The following LIG3 variants were observed in gnomAD, a reference collection of about 807,000 sequenced individuals.
The protein encoded by LIG3 is DNA ligase 3.
A neutral mutation model predicts 110.9 loss-of-function variants in LIG3; 58 were observed. That is an observed-to-expected ratio of 0.52 (90% CI 0.42 to 0.65). LIG3 has a LOEUF of 0.65. LIG3 is among the 30% of genes least tolerant of loss of function. LIG3 has a pLI of 0.00. For missense variants in LIG3, 1,094 were observed against 1,273.8 expected (o/e 0.86, Z 2.15); for synonymous variants, 422 against 472.8 (o/e 0.89, Z 1.39).
chr17:35,003,334 T>G (rs946948736), intron 19 of LIG3: 8 of 461,490 alleles, frequency 1.7e-5, no homozygotes, highest in Non-Finnish European at 2.6e-5. Flanking sequence ...AGTCTCGCTC[T>G]GTTGCCTAGG....
intron 1 of LIG3, chr17:34,981,092 G>C (rs1194560280): frequency 6.6e-6 from 1 of 152,344 alleles, no homozygotes; most frequent in Non-Finnish European, 1.5e-5. Context: ...AGCCCTTCGA[G>C]AAAAGCGGCG....
At chr17:34,992,092 C>A in intron 7 of LIG3, 57 bp downstream of exon 7, 1 of 1,487,582 alleles carries the variant, frequency 6.7e-7, no homozygotes, top group Non-Finnish European at 9.4e-7. Context: ...TGTTTGTTCC[C>A]AACTGGTGTC....
intron 17 of LIG3, among the ~76,000 whole-genome samples, 191 bp downstream of exon 17, chr17:35,001,594 C>G (rs534141992): frequency 6.6e-6 from 1 of 152,284 alleles, no homozygotes; most frequent in East Asian, 1.9e-4. Context: ...CCTCCTTCTC[C>G]CTCCATCTCT....
intron 5 of LIG3, 40 bp downstream of exon 5, chr17:34,991,154 G>A (rs1416492195): frequency 1.2e-6 from 2 of 1,601,268 alleles, no homozygotes; most frequent in East Asian, 2.2e-5. Flanking sequence ...CATTCCAGGT[G>A]GGGTTTTGCC....
At position 34,999,341 on chromosome 17, in the gene LIG3, C is replaced by T. The variant is rs1356838541; in HGVS notation, c.2148C>T (p.Tyr716=). ...TGTCAATCTTCCTCATGGGCTGCTA[C>T]GACCCTGGCAGCCAGAAGTGGTGCA... ...GMMSIFLMGC[Y]DPGSQKWCTV... is the part of the protein sequence containing the mutation. Residue 716 remains tyrosine, a synonymous_variant, in exon 15 of 20, where the codon TAC becomes TAT. Coordinates refer to ENST00000378526, the MANE Select transcript of LIG3 (RefSeq NM_013975.4). The T allele has an allele frequency of 7.4e-6, 12 of 1,613,926 alleles. No individual in the cohort carries two copies. The highest frequency in any genetic ancestry group is 2.2e-5 in the East Asian group (1 of 44,888).
In LIG3 at chr17:35,005,091, G is replaced by A. The variant is rs2090884719; in HGVS notation, c.*585G>A. Reference sequence around the variant, plus strand: ...TCTCTGTGTTCTCCTATTACATGGTGAGGATCCCCAGTTTGAAGGGAGGGG... The same window carrying A: ...TCTCTGTGTTCTCCTATTACATGGTAAGGATCCCCAGTTTGAAGGGAGGGG... On this transcript the variant is annotated 3_prime_UTR_variant, in exon 20 of 20. Coordinates refer to ENST00000378526, the MANE Select transcript of LIG3 (RefSeq NM_013975.4). 1 of 337,164 alleles carries A rather than the reference G, an allele frequency of 3.0e-6. No individual in the cohort carries two copies. The highest frequency in any genetic ancestry group is 3.8e-5 in the Admixed American group (1 of 26,132). 20.9% of individuals were successfully genotyped at this position (337,164 alleles called of 1,614,324 possible). A position where few individuals can be genotyped will look rare whatever the true frequency, so the allele number is the denominator to read the frequency against.
chr17:34,982,960 T>C (rs2090615499), intron 1 of LIG3, 42 bp from the exon 2 acceptor site: 11 of 1,411,812 alleles, frequency 7.8e-6, no homozygotes, highest in Non-Finnish European at 9.4e-6. Flanking sequence ...TCCTTGTTTA[T>C]ATCTTTTTTT....
rs186557819 is a variant in LIG3 at position 34,991,367 on chromosome 17, C to T, written c.1041+253C>T. 3 of 566,424 alleles carry T rather than the reference C, an allele frequency of 5.3e-6. No individual in the cohort carries two copies. In the African/African-American group the frequency reaches 5.6e-5, roughly 11 times the overall value. The allele number at this position is 566,424 out of a possible 1,614,324, so 35.1% of individuals were successfully genotyped here. On this transcript the variant is annotated intron_variant, in intron 5 of 19. Coordinates refer to ENST00000378526, the MANE Select transcript of LIG3 (RefSeq NM_013975.4). ...GGTTCTCAAAAGGCAGAATTTGAGA[C>T]TTGCCCCCTCTGTCTCTCCTGGGGC...
intron 14 of LIG3, 51 bp from the exon 15 acceptor site, chr17:34,999,250 TTGGGAC>T: frequency 6.4e-7 from 1 of 1,565,812 alleles, no homozygotes. Context: ...CCCTGGGCTC[TTGGGAC>T]TGGCAGAGAT....
intron 17 of LIG3, 57 bp from the exon 18 acceptor site, chr17:35,001,852 C>T: frequency 6.6e-7 from 1 of 1,523,156 alleles, no homozygotes; most frequent in Non-Finnish European, 8.9e-7. Context: ...CACACCACCT[C>T]TGAGGCCAGA....
At chr17:35,004,134 T>A in intron 19 of LIG3, 139 bp from the exon 20 acceptor site, 1 of 638,316 alleles carries the variant, frequency 1.6e-6, no homozygotes, top group South Asian at 1.9e-5. Context: ...GTGGGGGTAT[T>A]GATGCATGGT....
chr17:34,987,145 T>C (rs557367575), intron 3 of LIG3, among the ~76,000 whole-genome samples: 1 of 152,244 alleles, frequency 6.6e-6, no homozygotes, highest in Non-Finnish European at 1.5e-5. Flanking sequence ...TAGTTTCTTT[T>C]ATATAAAATA....
intron 5 of LIG3, chr17:34,991,349 A>G: frequency 1.7e-6 from 1 of 572,556 alleles, no homozygotes; most frequent in Non-Finnish European, 3.0e-6. Flanking sequence ...CCTGGTTCTC[A>G]AAAGGCAGAA....
At chr17:34,988,408 A>G (rs1352109821) in intron 3 of LIG3, among the ~76,000 whole-genome samples, 1 of 152,054 alleles carries the variant, frequency 6.6e-6, no homozygotes, top group Non-Finnish European at 1.5e-5. Context: ...TTGTCCCCTA[A>G]AATCATATTT....
Position 35,001,137 on chromosome 17 carries a change from C to G in LIG3, c.2332-120C>G, listed in dbSNP as rs546019467. On this transcript the variant is annotated intron_variant, in intron 16 of 19. Transcript: ENST00000378526. Reference sequence around the variant, plus strand: ...GCCAGGCTGGTCTCAAACTCCTGACCTCAAGTAATCTGCCCACCTCAGCCT... The same window carrying G: ...GCCAGGCTGGTCTCAAACTCCTGACGTCAAGTAATCTGCCCACCTCAGCCT... 27 of 1,019,620 alleles carry G rather than the reference C, an allele frequency of 2.6e-5. No individual in the cohort carries two copies. The East Asian group carries it at 5.5e-4, about 21-fold the overall frequency. 63.2% of individuals were successfully genotyped at this position (1,019,620 alleles called of 1,614,324 possible).
chr17:35,007,093 C>T lies in LIG3; in HGVS notation c.*2587C>T, dbSNP rs3744357. On this transcript the variant is annotated 3_prime_UTR_variant, in exon 20 of 20. Transcript: ENST00000378526. ...TTCAGCCTCAGGCCAAACAAACAACCGGACAGGGCAGCAGAACAAGGCTGT... is the reference window on the plus strand; with the variant it reads ...TTCAGCCTCAGGCCAAACAAACAACTGGACAGGGCAGCAGAACAAGGCTGT... 34,476 of 152,138 alleles carry T rather than the reference C, an allele frequency of 0.23. 6,336 individuals carry two copies. Among genetic ancestry groups the T allele is most frequent in the African/African-American group, 0.51 (21,197 of 41,450 alleles). 9.4% of individuals were successfully genotyped at this position (152,138 alleles called of 1,614,324 possible).
At chr17:34,991,244 A>T in intron 5 of LIG3, 130 bp downstream of exon 5, 1 of 851,538 alleles carries the variant, frequency 1.2e-6, no homozygotes, top group Non-Finnish European at 1.8e-6. Flanking sequence ...CATTTGAGCA[A>T]GCTTCCGTTA....
At position 34,990,982 on chromosome 17, in the gene LIG3, G is replaced by A. The variant is rs1211538823; in HGVS notation, c.909G>A (p.Val303=). 2.5e-6 allele frequency: 4 copies of A among 1,614,002 alleles called. No individual in the cohort carries two copies. Among genetic ancestry groups the A allele is most frequent in the Non-Finnish European group, 3.4e-6 (4 of 1,179,968 alleles). ...CTCCAGATGGTTTCCACGGTGATGT[G>A]TACCTAACAGTGAAGCTGCTGCTGC... ...GSAGDGFHGD[V]YLTVKLLLPG... The change falls in exon 5 of 20, where the codon GTG becomes GTA. Residue 303 remains valine (V), a synonymous_variant. Transcript: ENST00000378526.
chr17:34,993,454 A>T (rs981579516), intron 8 of LIG3, among the ~76,000 whole-genome samples: 2 of 152,190 alleles, frequency 1.3e-5, no homozygotes, highest in Non-Finnish European at 2.9e-5. Flanking sequence ...CATCCCAGAG[A>T]TGGGACTGCG....
Sources: gnomAD v4.1 joint callset for allele counts (sites outside exome capture counted in the v4.1 genomes callset) on GRCh38, gnomAD v4.1.1 for gene constraint, MANE v1.5 for transcripts, NCBI Gene and HGNC (gene_info 2026-07-23, HGNC 2026-07-21) for gene names.